The following PDE1A variants were observed in gnomAD, a reference collection of about 807,000 sequenced individuals.
PDE1A encodes dual specificity calcium/calmodulin-dependent 3',5'-cyclic nucleotide phosphodiesterase 1A.
PDE1A carries 35 observed loss-of-function variants against 61.7 expected under a neutral mutation model. The ratio of observed to expected loss-of-function variants is 0.57; its 90% CI spans 0.43 to 0.75. The LOEUF (loss-of-function observed/expected upper bound fraction) is 0.75, where lower values mean the gene tolerates loss of function less well. PDE1A is among the 30% of genes least tolerant of loss of function. The pLI, the probability that PDE1A is intolerant of heterozygous loss-of-function variation, is 0.00. For synonymous variants in PDE1A, 232 were observed against 213.2 expected, an observed-to-expected ratio of 1.09 and a Z score of -0.77; for missense variants, 597 against 630.6, an observed-to-expected ratio of 0.95 and a Z score of 0.57.
In PDE1A at chr2:182,205,719, T is replaced by A. The variant is rs372385582; in HGVS notation, c.902+221A>T. 1.8e-4 allele frequency among the ~76,000 whole-genome samples: 28 copies of A among 152,318 alleles called. 1 individual carries two copies. Among genetic ancestry groups the A allele is most frequent in the East Asian group, 1.5e-3 (8 of 5,184 alleles). The stretch of plus-strand genomic sequence containing the variant: ...TTGTGTGTGGTCTTATTCAGACATA[T>A]GGATGTTGAGTTGACCTGGAAATAC... On this transcript the variant is annotated intron_variant, in intron 8 of 13. Transcript: ENST00000351439.
intron 1 of PDE1A, among the ~76,000 whole-genome samples, chr2:182,293,707 C>A (rs185458036): frequency 6.6e-6 from 1 of 152,192 alleles, no homozygotes; most frequent in Admixed American, 6.5e-5. Flanking sequence ...AGATTAACAG[C>A]AATAACTAAT....
the PDE1A span, among the ~76,000 whole-genome samples, chr2:182,655,160 G>A: frequency 6.6e-6 from 1 of 152,166 alleles, no homozygotes; most frequent in Non-Finnish European, 1.5e-5. Flanking sequence ...TTTAGTGAAT[G>A]AAGTGTCATC....
intron 2 of PDE1A, chr2:182,242,205 T>C (rs777173040): frequency 1.2e-5 from 5 of 425,774 alleles, no homozygotes; most frequent in Non-Finnish European, 1.8e-5. Context: ...TTTAAGGCTA[T>C]ATGTCCTATA....
At chr2:182,157,573 G>A (rs1023446311) in intron 13 of PDE1A, among the ~76,000 whole-genome samples, 1 of 152,156 alleles carries the variant, frequency 6.6e-6, no homozygotes, top group Non-Finnish European at 1.5e-5. Flanking sequence ...TGCGAGAAGA[G>A]TTAGGAAAGT....
chr2:182,192,102 C>T (rs1685750236), intron 10 of PDE1A, among the ~76,000 whole-genome samples: 1 of 152,098 alleles, frequency 6.6e-6, no homozygotes, highest in African/African-American at 2.4e-5. Flanking sequence ...GGTAGTCCCT[C>T]TGCCTCAGCC....
intron 2 of PDE1A, among the ~76,000 whole-genome samples, chr2:182,456,134 T>C (rs1395326638): frequency 6.6e-6 from 1 of 152,088 alleles, no homozygotes. Context: ...CAGGGTTACC[T>C]AGCTCTAATC....
exon 15 of PDE1A, chr2:182,140,936 G>GGAGTAAAACT (rs925674977): frequency 1.3e-5 from 2 of 151,278 alleles, no homozygotes; most frequent in East Asian, 3.9e-4. Context: ...TACTTCTGAA[G>GGAGTAAAACT]GAGTAAAACT....
chr2:182,288,874 C>A (rs777381792), intron 1 of PDE1A, among the ~76,000 whole-genome samples: 1 of 152,036 alleles, frequency 6.6e-6, no homozygotes, highest in African/African-American at 2.4e-5. Context: ...TGTTTCAGAA[C>A]TTCAGATTTT....
At chr2:182,662,370 C>T in the PDE1A span, among the ~76,000 whole-genome samples, 15 of 143,464 alleles carry the variant, frequency 1.0e-4, no homozygotes, top group African/African-American at 2.3e-4. Context: ...AACTTTTTCC[C>T]GAATAGCCAC....
At chr2:182,406,647 T>C (rs1702313201) in intron 1 of PDE1A, among the ~76,000 whole-genome samples, 1 of 152,212 alleles carries the variant, frequency 6.6e-6, no homozygotes, top group South Asian at 2.1e-4. Flanking sequence ...TCCTTTTTTA[T>C]GTATAAAAAA....
At chr2:182,452,956 C>T (rs1685625791) in intron 2 of PDE1A, among the ~76,000 whole-genome samples, 1 of 152,080 alleles carries the variant, frequency 6.6e-6, no homozygotes, top group African/African-American at 2.4e-5. Flanking sequence ...GGTGACTGCA[C>T]TTGCACTTTT....
chr2:182,283,480 C>T (rs181289307), intron 1 of PDE1A, among the ~76,000 whole-genome samples: 48 of 151,834 alleles, frequency 3.2e-4, no homozygotes, highest in African/African-American at 1.1e-3. Context: ...CTATATAACA[C>T]AAATTATTAG....
At chr2:182,474,032 T>C (rs1687204233) in intron 2 of PDE1A, among the ~76,000 whole-genome samples, 1 of 152,040 alleles carries the variant, frequency 6.6e-6, no homozygotes, top group African/African-American at 2.4e-5. Context: ...TCAAATCGTA[T>C]TTCTGCCTTT....
chr2:182,254,377 T>G (rs1691624826), intron 2 of PDE1A, among the ~76,000 whole-genome samples: 1 of 152,196 alleles, frequency 6.6e-6, no homozygotes, highest in African/African-American at 2.4e-5. Context: ...AAATCATTAC[T>G]TGATTTTTAA....
exon 15 of PDE1A, chr2:182,140,853 A>G (rs1690196766): frequency 7.6e-6 from 1 of 131,568 alleles, no homozygotes; most frequent in South Asian, 2.6e-4. Flanking sequence ...AGCTTAAAAG[A>G]AAAAGAAAGA....
intron 7 of PDE1A, among the ~76,000 whole-genome samples, chr2:182,207,693 A>G (rs1687230245): frequency 6.6e-6 from 1 of 152,220 alleles, no homozygotes. Context: ...TAGCCCAGAC[A>G]ATGGGGAAGA....
At chr2:182,289,698 C>T (rs2125880749) in intron 1 of PDE1A, among the ~76,000 whole-genome samples, 1 of 152,190 alleles carries the variant, frequency 6.6e-6, no homozygotes, top group Non-Finnish European at 1.5e-5. Context: ...AAGCCTGAAA[C>T]TTATTATTGC....
At chr2:182,200,737 C>T (rs546318303) in intron 10 of PDE1A, among the ~76,000 whole-genome samples, 1 of 152,300 alleles carries the variant, frequency 6.6e-6, no homozygotes, top group Admixed American at 6.5e-5. Context: ...GTCAGAAGTG[C>T]TGGTGTCCCA....
At position 182,279,777 on chromosome 2, in the gene PDE1A, A is replaced by C. The variant is rs1279371855; in HGVS notation, c.54-15363T>G. 2.6e-5 allele frequency among the ~76,000 whole-genome samples: 4 copies of C among 151,910 alleles called. No individual in the cohort carries two copies. In the East Asian group the frequency reaches 5.8e-4, roughly 22 times the overall value. On this transcript the variant is annotated intron_variant, in intron 1 of 13. Transcript: ENST00000351439. Reference sequence around the variant, plus strand: ...TACCTATCTCTGAAATCTTTTTATAAAAATTAGCAGTTTCTTCATCCACTT... The same window carrying C: ...TACCTATCTCTGAAATCTTTTTATACAAATTAGCAGTTTCTTCATCCACTT...
Sources: allele counts gnomAD v4.1 joint callset (sites outside exome capture counted in the v4.1 genomes callset), GRCh38; gene constraint gnomAD v4.1.1; transcripts MANE v1.5; gene names NCBI Gene and HGNC (gene_info 2026-07-23, HGNC 2026-07-21).